The following THSD4 variants were observed in gnomAD, a reference collection of about 807,000 sequenced individuals.
THSD4 encodes the protein thrombospondin type 1 domain containing 4.
A neutral mutation model predicts 119.0 loss-of-function variants in THSD4; 69 were observed. That is an observed-to-expected ratio of 0.58 (90% confidence interval 0.48 to 0.71). THSD4 has a LOEUF of 0.71. Ranked by LOEUF, THSD4 falls within the 30% of genes least tolerant of loss-of-function variation. The pLI, the probability that THSD4 is intolerant of heterozygous loss-of-function variation, is 0.00. For synonymous variants in THSD4, 524 were observed against 540.4 expected, an observed-to-expected ratio of 0.97 and a Z score of 0.42; for missense variants, 1,393 against 1,391.1, an observed-to-expected ratio of 1.00 and a Z score of -0.02.
intron 7 of THSD4, among the ~76,000 whole-genome samples, chr15:71,605,684 A>G (rs2050096188): frequency 6.6e-6 from 1 of 152,224 alleles, no homozygotes; most frequent in African/African-American, 2.4e-5. Context: ...TTTAGACTGT[A>G]AAGTTTCTAG....
At chr15:71,493,524 G>A (rs1279414334) in intron 7 of THSD4, among the ~76,000 whole-genome samples, 1 of 152,152 alleles carries the variant, frequency 6.6e-6, no homozygotes, top group Admixed American at 6.5e-5. Flanking sequence ...GAGGCTCCGG[G>A]AAGCTTAATG....
rs188093308 is a variant in THSD4, at chr15:71,559,202, G to T, written c.1153-101328G>T. On this transcript the variant is annotated intron_variant, in intron 7 of 17. Transcript: ENST00000261862. ...CAGCATCTTTGTTGGCCTGTGGAGG[G>T]GTGGGGCATGGCTGACCTCAGCATT... Among the ~76,000 whole-genome samples the T allele has an allele frequency of 9.2e-5, 14 of 152,274 alleles. No homozygotes were observed. In the East Asian group the frequency reaches 2.3e-3, roughly 25 times the overall value.
intron 6 of THSD4, among the ~76,000 whole-genome samples, chr15:71,357,791 C>T (rs1292511030): frequency 1.3e-5 from 2 of 152,158 alleles, no homozygotes; most frequent in African/African-American, 4.8e-5. Context: ...GGATTTTCCC[C>T]TTCTGTCTGA....
intron 4 of THSD4, among the ~76,000 whole-genome samples, chr15:71,218,561 GCT>G (rs548390396): frequency 1.2e-3 from 180 of 152,312 alleles, no homozygotes; most frequent in African/African-American, 4.2e-3. Flanking sequence ...TTTTTATCAT[GCT>G]CTTGTGATTT....
chr15:71,768,158 G>C (rs2053746887), intron 16 of THSD4, among the ~76,000 whole-genome samples: 3 of 151,864 alleles, frequency 2.0e-5, no homozygotes. Flanking sequence ...GAATATGATA[G>C]AATTAGAATT....
intron 7 of THSD4, among the ~76,000 whole-genome samples, chr15:71,641,377 G>A (rs2050855248): frequency 6.6e-5 from 10 of 151,638 alleles, no homozygotes; most frequent in Admixed American, 6.6e-4. Context: ...AGCAATGCCT[G>A]TCTTCTTTTC....
rs1397168605 is a variant in THSD4 at position 71,782,456 on chromosome 15, G to A, written c.*5082G>A. The A allele has an allele frequency of 6.6e-6, 1 of 152,194 alleles. No individual in the cohort carries two copies. Among genetic ancestry groups the A allele is most frequent in the Non-Finnish European group, 1.5e-5 (1 of 68,040 alleles). The allele number at this position is 152,194 out of a possible 1,614,324, so 9.4% of individuals were successfully genotyped here. On this transcript the variant is annotated 3_prime_UTR_variant, in exon 18 of 18. Transcript: ENST00000261862. ...ATTTTGTTCTCTGTAAATACAAGAT[G>A]TTTATAGGAAATATGTATTCTGAAC...
intron 6 of THSD4, among the ~76,000 whole-genome samples, chr15:71,407,686 T>C (rs1484837738): frequency 1.3e-5 from 2 of 152,102 alleles, no homozygotes; most frequent in Non-Finnish European, 2.9e-5. Flanking sequence ...TATTTGGGGT[T>C]GTATTATCTT....
At chr15:71,443,950 T>C (rs1296231176) in intron 7 of THSD4, among the ~76,000 whole-genome samples, 3 of 152,240 alleles carry the variant, frequency 2.0e-5, no homozygotes. Flanking sequence ...TGCTAAAGCA[T>C]AGGTGCTGCT....
rs1415367741 is a variant in THSD4, at chr15:71,782,072, G to A, written c.*4698G>A. On this transcript the variant is annotated 3_prime_UTR_variant, in exon 18 of 18. Transcript: ENST00000261862. ...GGCGTAGCTGAGCGGCAGGATGGGG[G>A]GCTGCCTGCCCAGGGTCTCTCACCG... is the stretch of plus-strand genomic sequence containing the variant. The A allele has an allele frequency of 6.6e-6, 1 of 152,258 alleles. No homozygotes were observed. Among genetic ancestry groups the A allele is most frequent in the African/African-American group, 2.4e-5 (1 of 41,430 alleles). 9.4% of individuals were successfully genotyped at this position (152,258 alleles called of 1,614,324 possible). A position where few individuals can be genotyped will look rare whatever the true frequency, so the allele number is the denominator to read the frequency against.
At chr15:71,708,882 C>T (rs1387003139) in intron 8 of THSD4, among the ~76,000 whole-genome samples, 2 of 152,194 alleles carry the variant, frequency 1.3e-5, no homozygotes, top group Non-Finnish European at 2.9e-5. Context: ...AGACCCCTGT[C>T]CTGCTGTTAT....
At chr15:71,245,301 T>G (rs768229070) in intron 5 of THSD4, among the ~76,000 whole-genome samples, 1 of 152,146 alleles carries the variant, frequency 6.6e-6, no homozygotes, top group Non-Finnish European at 1.5e-5. Flanking sequence ...TATTGAGAGA[T>G]GTCATTCCTT....
intron 7 of THSD4, among the ~76,000 whole-genome samples, chr15:71,450,063 C>CA (rs1361351015): frequency 6.6e-6 from 1 of 152,184 alleles, no homozygotes; most frequent in Non-Finnish European, 1.5e-5. Context: ...TTGTGATGTG[C>CA]AAACGAAGGA....
At chr15:71,351,781 C>G (rs1181103314) in intron 6 of THSD4, among the ~76,000 whole-genome samples, 1 of 152,194 alleles carries the variant, frequency 6.6e-6, no homozygotes, top group African/African-American at 2.4e-5. Flanking sequence ...AACAAGTTTC[C>G]TTTCTGCAAC....
chr15:71,535,863 T>G (rs747110633), intron 7 of THSD4, among the ~76,000 whole-genome samples: 1 of 152,218 alleles, frequency 6.6e-6, no homozygotes, highest in Non-Finnish European at 1.5e-5. Context: ...ACATTTTTTC[T>G]CCCATTCTGT....
chr15:71,680,443 A>G (rs2051750050), intron 8 of THSD4, among the ~76,000 whole-genome samples: 1 of 152,218 alleles, frequency 6.6e-6, no homozygotes, highest in African/African-American at 2.4e-5. Flanking sequence ...GAAGACCAAT[A>G]TTAACCTGTA....
intron 6 of THSD4, among the ~76,000 whole-genome samples, chr15:71,260,666 C>T (rs1381189504): frequency 3.1e-4 from 47 of 152,134 alleles, no homozygotes; most frequent in Non-Finnish European, 7.4e-5. Context: ...CCTTTCTCAT[C>T]TTTCTCCATC....
intron 7 of THSD4, among the ~76,000 whole-genome samples, chr15:71,533,083 G>T (rs1256881955): frequency 6.6e-6 from 1 of 152,236 alleles, no homozygotes; most frequent in Non-Finnish European, 1.5e-5. Context: ...GGGATCAGGT[G>T]CCTGCAGTTT....
chr15:71,263,346 T>TATATATATATATATATATATAC (rs937302953), intron 6 of THSD4, among the ~76,000 whole-genome samples: 1 of 150,764 alleles, frequency 6.6e-6, no homozygotes, highest in African/African-American at 2.4e-5. Context: ...TATATATATA[T>TATATATATATATATATATATAC]ACGACATTTT....
Sources: allele counts gnomAD v4.1 joint callset (sites outside exome capture counted in the v4.1 genomes callset), GRCh38; gene constraint gnomAD v4.1.1; transcripts MANE v1.5; gene names NCBI Gene and HGNC (gene_info 2026-07-23, HGNC 2026-07-21).